Variants in CTNNA2 observed in about 807,000 individuals in gnomAD.
CTNNA2 encodes the protein catenin alpha 2, also known as catenin alpha-2.
Under a neutral mutation model 101.0 loss-of-function variants are expected in CTNNA2, and 42 were observed. That is an observed-to-expected ratio of 0.42 (90% CI 0.32 to 0.54). The LOEUF (loss-of-function observed/expected upper bound fraction) is 0.54. Among genes scored for constraint, CTNNA2 ranks in the 20% least tolerant of loss-of-function variants. CTNNA2 has a pLI of 0.14. For missense variants in CTNNA2, 871 were observed against 1,223.1 expected (o/e 0.71, Z 4.29); for synonymous variants, 450 against 456.4 (o/e 0.99, Z 0.18).
At chr2:79,349,941 G>A (rs1206869231) in intron 3 of CTNNA2, among the ~76,000 whole-genome samples, 1 of 151,832 alleles carries the variant, frequency 6.6e-6, no homozygotes, top group African/African-American at 2.4e-5. Context: ...AGGCGTGGTG[G>A]CGGGCGCCTG....
At chr2:80,017,648 G>A (rs1473888885) in intron 7 of CTNNA2, among the ~76,000 whole-genome samples, 1 of 151,916 alleles carries the variant, frequency 6.6e-6, no homozygotes, top group Non-Finnish European at 1.5e-5. Context: ...TCTTCCCAGG[G>A]TTCTAATGTG....
At chr2:79,835,767 G>A (rs1452579948) in intron 3 of CTNNA2, among the ~76,000 whole-genome samples, 8 of 138,316 alleles carry the variant, frequency 5.8e-5, no homozygotes. Context: ...CAAGTAGCTG[G>A]GACTACAGGC....
intron 7 of CTNNA2, among the ~76,000 whole-genome samples, chr2:80,214,859 A>G (rs1200273271): frequency 6.6e-6 from 1 of 152,196 alleles, no homozygotes; most frequent in African/African-American, 2.4e-5. Context: ...GTGTTTTCCA[A>G]CTTGGCTCCA....
At chr2:79,609,284 C>T (rs770801752) in intron 1 of CTNNA2, among the ~76,000 whole-genome samples, 7 of 151,846 alleles carry the variant, frequency 4.6e-5, no homozygotes, top group African/African-American at 7.2e-5. Flanking sequence ...ATAACATATA[C>T]GACAGCCAGT....
chr2:80,360,144 A>G (rs1674259245), intron 7 of CTNNA2, among the ~76,000 whole-genome samples: 1 of 152,034 alleles, frequency 6.6e-6, no homozygotes, highest in Non-Finnish European at 1.5e-5. Context: ...TTTTGAAGGG[A>G]TTGGAAGAGG....
At chr2:79,788,802 T>C (rs1675045971) in intron 3 of CTNNA2, among the ~76,000 whole-genome samples, 1 of 152,220 alleles carries the variant, frequency 6.6e-6, no homozygotes, top group Admixed American at 6.5e-5. Context: ...TTTCAGTCTG[T>C]GCAGGCTCAA....
intron 7 of CTNNA2, among the ~76,000 whole-genome samples, chr2:80,177,437 G>A (rs1020871619): frequency 6.6e-6 from 1 of 152,146 alleles, no homozygotes; most frequent in Non-Finnish European, 1.5e-5. Context: ...CCATATTGAG[G>A]GCTCAGTGTT....
chr2:80,080,103 T>G (rs1329663225), intron 7 of CTNNA2, among the ~76,000 whole-genome samples: 1 of 152,130 alleles, frequency 6.6e-6, no homozygotes, highest in Non-Finnish European at 1.5e-5. Context: ...GTTCCCCCAG[T>G]GTCCTCCAGG....
At chr2:80,150,568 C>T (rs1259837774) in intron 7 of CTNNA2, among the ~76,000 whole-genome samples, 2 of 152,142 alleles carry the variant, frequency 1.3e-5, no homozygotes, top group East Asian at 1.9e-4. Flanking sequence ...CAATTCCAAG[C>T]TACAACTTTG....
At chr2:79,231,540 T>TTTTG (rs1200806313) in intron 2 of CTNNA2, among the ~76,000 whole-genome samples, 1 of 152,274 alleles carries the variant, frequency 6.6e-6, no homozygotes, top group East Asian at 1.9e-4. Context: ...TGCACAGGCT[T>TTTTG]TTTGTTTGTT....
At chr2:79,982,444 C>T (rs9679356) in intron 7 of CTNNA2, among the ~76,000 whole-genome samples, 5,291 of 144,834 alleles carry the variant, frequency 0.037, 319 homozygotes, top group African/African-American at 0.13. Flanking sequence ...ATATATATAA[C>T]AGAATCTGCT....
chr2:80,569,442 T>A (rs1171970084), intron 12 of CTNNA2, among the ~76,000 whole-genome samples: 2 of 151,956 alleles, frequency 1.3e-5, no homozygotes, highest in Admixed American at 1.3e-4. Flanking sequence ...GCCTACAGTT[T>A]TTGGATGTAA....
chr2:79,653,392 A>T (rs1681393881), intron 2 of CTNNA2, among the ~76,000 whole-genome samples: 1 of 152,118 alleles, frequency 6.6e-6, no homozygotes, highest in South Asian at 2.1e-4. Context: ...TCTCAAGAAC[A>T]TTGTGATTTT....
At chr2:80,639,454 C>A (rs1454744702) in intron 18 of CTNNA2, among the ~76,000 whole-genome samples, 1 of 151,898 alleles carries the variant, frequency 6.6e-6, no homozygotes, top group Non-Finnish European at 1.5e-5. Flanking sequence ...AAGTGATCCG[C>A]CCACCTCGGC....
chr2:79,971,336 C>T (rs73938436), intron 7 of CTNNA2, among the ~76,000 whole-genome samples: 4,843 of 152,242 alleles, frequency 0.032, 241 homozygotes, highest in African/African-American at 0.11. Context: ...CTATTATCAT[C>T]ATATTTCCTT....
intron 9 of CTNNA2, among the ~76,000 whole-genome samples, chr2:80,517,067 G>A (rs1689165809): frequency 6.6e-6 from 1 of 152,104 alleles, no homozygotes; most frequent in Admixed American, 6.6e-5. Context: ...GCAACTTGGT[G>A]CTGCACAGAA....
At chr2:80,151,449 TG>T (rs563374930) in intron 7 of CTNNA2, among the ~76,000 whole-genome samples, 268 of 152,312 alleles carry the variant, frequency 1.8e-3, no homozygotes, top group African/African-American at 6.2e-3. Context: ...AGCTGTACAA[TG>T]ATTGTGAAAT....
chr2:79,693,463 T>TA (rs1432763664), intron 2 of CTNNA2, among the ~76,000 whole-genome samples: 1 of 152,024 alleles, frequency 6.6e-6, no homozygotes, highest in Non-Finnish European at 1.5e-5. Flanking sequence ...TTTCATCTAT[T>TA]TTTTCAAATT....
At chr2:80,147,051 C>T (rs1318287720) in intron 7 of CTNNA2, among the ~76,000 whole-genome samples, 2 of 151,418 alleles carry the variant, frequency 1.3e-5, no homozygotes, top group Admixed American at 6.6e-5. Flanking sequence ...CTGCAATCTC[C>T]GCCTCCTGGG....
Sources: gnomAD v4.1 joint callset for allele counts (sites outside exome capture counted in the v4.1 genomes callset) on GRCh38, gnomAD v4.1.1 for gene constraint, MANE v1.5 for transcripts, NCBI Gene and HGNC (gene_info 2026-07-23, HGNC 2026-07-21) for gene names.